The following TMOD3 variants were observed in gnomAD, a reference collection of about 807,000 sequenced individuals.
TMOD3 encodes the protein tropomodulin 3.
A neutral mutation model predicts 39.2 loss-of-function variants in TMOD3; 20 were observed. The observed-to-expected ratio is 0.51, with a 90% CI of 0.36 to 0.74. TMOD3 has a LOEUF of 0.74. Among genes scored for constraint, TMOD3 ranks in the 30% least tolerant of loss-of-function variants. The probability of loss-of-function intolerance (pLI) is 0.00; values close to 1 mark genes in which losing one functional copy is unlikely to be tolerated. For missense variants in TMOD3, 381 were observed against 412.8 expected (o/e 0.92, Z 0.67); for synonymous variants, 143 against 145.8 (o/e 0.98, Z 0.14).
chr15:51,870,924 T>G (rs2056471702), intron 3 of TMOD3, among the ~76,000 whole-genome samples: 1 of 152,160 alleles, frequency 6.6e-6, no homozygotes, highest in Non-Finnish European at 1.5e-5. Context: ...CTTCCTACTT[T>G]GGGGAGATAA....
chr15:51,898,418 C>T (rs1468085678), intron 7 of TMOD3, among the ~76,000 whole-genome samples: 3 of 152,164 alleles, frequency 2.0e-5, no homozygotes, highest in Admixed American at 6.5e-5. Flanking sequence ...CCCTATTGTG[C>T]CTTTTTTCTT....
chr15:51,902,498 G>C (rs913150048), intron 9 of TMOD3, among the ~76,000 whole-genome samples: 1 of 152,246 alleles, frequency 6.6e-6, no homozygotes, highest in East Asian at 1.9e-4. Context: ...TTGAGACGGA[G>C]CCTCGCTGTG....
At chr15:51,874,367 C>T (rs2056490939) in intron 3 of TMOD3, among the ~76,000 whole-genome samples, 1 of 152,114 alleles carries the variant, frequency 6.6e-6, no homozygotes, top group African/African-American at 2.4e-5. Context: ...AAGCTCAAGG[C>T]CTTATGTCTT....
At chr15:51,864,281 A>AC (rs2056434177) in intron 2 of TMOD3, among the ~76,000 whole-genome samples, 1 of 151,508 alleles carries the variant, frequency 6.6e-6, no homozygotes, top group Non-Finnish European at 1.5e-5. Flanking sequence ...AAAAAAAAAA[A>AC]AACTGGAAAA....
rs753814979 is a variant in TMOD3, at chr15:51,881,550, CTTTTTTTTTTTTTTTT to C, written c.284-6026_284-6011del. Among the ~76,000 whole-genome samples, 377 of 61,858 alleles carry C rather than the reference CTTTTTTTTTTTTTTTT, an allele frequency of 6.1e-3. 9 individuals are homozygous for C. Among genetic ancestry groups the C allele is most frequent in the African/African-American group, 0.024 (358 of 14,620 alleles). 40.6% of individuals were successfully genotyped at this position (61,858 alleles called of 152,430 possible). On this transcript the variant is annotated intron_variant, in intron 3 of 9. Coordinates refer to ENST00000308580, the MANE Select transcript of TMOD3 (RefSeq NM_014547.5). ...ACGGAGATACAATCTTTCTTTATTT[CTTTTTTTTTTTTTTTT>C]TTTTTTTTTTTTGAGACAGAGTTTT...
intron 2 of TMOD3, among the ~76,000 whole-genome samples, chr15:51,866,069 T>C (rs2056444162): frequency 6.6e-6 from 1 of 152,206 alleles, no homozygotes; most frequent in South Asian, 2.1e-4. Flanking sequence ...AATTATGATC[T>C]ATTAGCTTAC....
chr15:51,905,157 CT>C (rs1413495164), intron 9 of TMOD3, among the ~76,000 whole-genome samples: 2 of 152,202 alleles, frequency 1.3e-5, no homozygotes, highest in African/African-American at 2.4e-5. Flanking sequence ...CCTGAATAAA[CT>C]TTCAATGAGT....
intron 3 of TMOD3, among the ~76,000 whole-genome samples, chr15:51,874,706 G>T (rs1186373975): frequency 6.6e-6 from 1 of 152,126 alleles, no homozygotes; most frequent in African/African-American, 2.4e-5. Context: ...TTTTGCTGGG[G>T]ACTCCTCCTC....
At chr15:51,901,809 C>A in intron 8 of TMOD3, 83 bp from the exon 9 acceptor site, 1 of 1,358,644 alleles carries the variant, frequency 7.4e-7, no homozygotes, top group Non-Finnish European at 1.0e-6. Flanking sequence ...AAAGAATTAG[C>A]ATGTGCCTGA....
At chr15:51,855,854 C>G (rs1427921261) in intron 1 of TMOD3, among the ~76,000 whole-genome samples, 2 of 152,198 alleles carry the variant, frequency 1.3e-5, no homozygotes, top group African/African-American at 4.8e-5. Flanking sequence ...TGAGCTCCTG[C>G]TGGCACTTGG....
intron 2 of TMOD3, among the ~76,000 whole-genome samples, chr15:51,866,173 G>C (rs188260072): frequency 1.3e-5 from 2 of 152,252 alleles, no homozygotes; most frequent in East Asian, 3.9e-4. Flanking sequence ...GACTGTTTTT[G>C]GCCGGGTATA....
chr15:51,893,247 A>T (rs933817800), intron 5 of TMOD3, among the ~76,000 whole-genome samples: 4 of 137,932 alleles, frequency 2.9e-5, no homozygotes, highest in African/African-American at 1.1e-4. Flanking sequence ...GTGAGCCAAG[A>T]TCTTGCTACT....
At chr15:51,856,078 C>G (rs1379707803) in intron 1 of TMOD3, among the ~76,000 whole-genome samples, 2 of 152,262 alleles carry the variant, frequency 1.3e-5, no homozygotes, top group African/African-American at 4.8e-5. Context: ...GCCTGGGCAA[C>G]ATGGTGAAAC....
At chr15:51,852,828 CT>C (rs1363602775) in intron 1 of TMOD3, among the ~76,000 whole-genome samples, 1 of 152,216 alleles carries the variant, frequency 6.6e-6, no homozygotes, top group Non-Finnish European at 1.5e-5. Context: ...TCTTCAAGAG[CT>C]TTACAGTGTC....
chr15:51,904,712 A>G (rs2056669402), intron 9 of TMOD3, among the ~76,000 whole-genome samples: 1 of 152,166 alleles, frequency 6.6e-6, no homozygotes, highest in African/African-American at 2.4e-5. Context: ...CTTTGCCTGC[A>G]TTTCTGTAAG....
At chr15:51,905,993 G>A (rs954839552) in intron 9 of TMOD3, among the ~76,000 whole-genome samples, 7 of 132,708 alleles carry the variant, frequency 5.3e-5, no homozygotes, top group African/African-American at 2.0e-4. Flanking sequence ...AATTGGACCA[G>A]ATCCAAAGAA....
chr15:51,837,336 C>T (rs761898292), intron 1 of TMOD3, among the ~76,000 whole-genome samples: 6 of 151,826 alleles, frequency 4.0e-5, no homozygotes, highest in Non-Finnish European at 7.4e-5. Flanking sequence ...CTGAGGCAAA[C>T]GTGACAAGAT....
At chr15:51,886,850 A>G (rs2056566889) in intron 3 of TMOD3, among the ~76,000 whole-genome samples, 1 of 152,208 alleles carries the variant, frequency 6.6e-6, no homozygotes. Flanking sequence ...TTTGTTTGCA[A>G]TCAGAATTTG....
chr15:51,869,089 C>A, intron 2 of TMOD3, 128 bp from the exon 3 acceptor site: 1 of 955,830 alleles, frequency 1.0e-6, no homozygotes, highest in Non-Finnish European at 1.5e-6. Context: ...TCCTAAAATC[C>A]TGCAATGAAG....
Sources: gnomAD v4.1 joint callset for allele counts (sites outside exome capture counted in the v4.1 genomes callset) on GRCh38, gnomAD v4.1.1 for gene constraint, MANE v1.5 for transcripts, NCBI Gene and HGNC (gene_info 2026-07-23, HGNC 2026-07-21) for gene names.